The following ZNF578 variants were observed in gnomAD, a reference collection of about 807,000 sequenced individuals.
ZNF578 encodes Putative chemokine-related protein B42.
ZNF578 carries 8 observed loss-of-function variants against 8.3 expected under a neutral mutation model. The ratio of observed to expected loss-of-function variants is 0.96; its 90% CI spans 0.56 to 1.74. ZNF578 has a LOEUF of 1.74. Ranked by LOEUF, ZNF578 falls within the 40% of genes most tolerant of loss-of-function variation. The probability of loss-of-function intolerance (pLI) is 0.00; values close to 1 mark genes in which losing one functional copy is unlikely to be tolerated. For synonymous variants in ZNF578, 206 were observed against 232.2 expected (o/e 0.89, Z 1.03); for missense variants, 726 against 707.5 (o/e 1.03, Z -0.30).
intron 2 of ZNF578, among the ~76,000 whole-genome samples, chr19:52,469,899 G>A (rs997002711): frequency 5.3e-5 from 8 of 152,138 alleles, no homozygotes; most frequent in Admixed American, 2.0e-4. Context: ...TCAGACACAA[G>A]CTCTTATGTG....
At chr19:52,467,702 C>T (rs1169502182) in intron 2 of ZNF578, among the ~76,000 whole-genome samples, 1 of 152,000 alleles carries the variant, frequency 6.6e-6, no homozygotes, top group Non-Finnish European at 1.5e-5. Flanking sequence ...GAGACATATA[C>T]AATGTCAATT....
intron 3 of ZNF578, among the ~76,000 whole-genome samples, chr19:52,499,875 AC>A (rs1222360598): frequency 6.6e-6 from 1 of 151,968 alleles, no homozygotes; most frequent in East Asian, 1.9e-4. Flanking sequence ...ATGTTTGAAG[AC>A]CATGTCCCTA....
At chr19:52,460,001 G>A (rs1452216925) in intron 2 of ZNF578, among the ~76,000 whole-genome samples, 3 of 150,080 alleles carry the variant, frequency 2.0e-5, no homozygotes, top group East Asian at 2.0e-4. Context: ...TGTTGACCTC[G>A]TGATCCACCC....
chr19:52,501,837 T>C lies in ZNF578; in HGVS notation c.-9T>C, dbSNP rs779650892. On this transcript the variant is annotated 5_prime_UTR_variant, in exon 4 of 6. Coordinates refer to ENST00000421239, the MANE Select transcript of ZNF578 (RefSeq NM_001099694.2). ...TTCTTCCACATACAGGATTGATTTC[T>C]AAAGACTCATGTTACATGAGGAAGC... 2.5e-6 allele frequency: 4 copies of C among 1,613,044 alleles called. No homozygotes were observed. In the South Asian group the frequency reaches 4.4e-5, roughly 18 times the overall value.
chr19:52,510,462 ATGTT>A, intron 5 of ZNF578, 106 bp from the exon 6 acceptor site: 1 of 1,347,718 alleles, frequency 7.4e-7, no homozygotes, highest in Non-Finnish European at 9.7e-7. Context: ...TTTGAAGATC[ATGTT>A]TGGGAAGTTT....
intron 3 of ZNF578, among the ~76,000 whole-genome samples, chr19:52,491,789 T>C (rs755559606): frequency 5.3e-5 from 8 of 152,086 alleles, no homozygotes; most frequent in Non-Finnish European, 1.2e-4. Context: ...GACAACTAAC[T>C]GGATATCCAC....
intron 2 of ZNF578, among the ~76,000 whole-genome samples, chr19:52,481,191 A>G (rs1188224876): frequency 2.0e-5 from 3 of 152,026 alleles, no homozygotes; most frequent in African/African-American, 7.2e-5. Context: ...CTGACCTTAT[A>G]TCGGCTGCGG....
At chr19:52,504,446 C>T (rs2059418250) in intron 4 of ZNF578, among the ~76,000 whole-genome samples, 1 of 152,050 alleles carries the variant, frequency 6.6e-6, no homozygotes. Context: ...TCGAGACTTC[C>T]ATAGCGACTT....
intron 5 of ZNF578, among the ~76,000 whole-genome samples, chr19:52,505,513 C>T (rs2059422753): frequency 6.6e-6 from 1 of 152,082 alleles, no homozygotes; most frequent in African/African-American, 2.4e-5. Flanking sequence ...GCTCCGCCTC[C>T]CGGGTTCAAG....
At chr19:52,457,638 T>C (rs1212644001) in intron 2 of ZNF578, 1 of 152,018 alleles carries the variant, frequency 6.6e-6, no homozygotes, top group South Asian at 2.1e-4. Context: ...ACACAGTAGA[T>C]AGTGTTGGAA....
Position 52,512,267 on chromosome 19 carries a change from T to G in ZNF578, c.*113T>G. 6.3e-7 allele frequency: 1 copy of G among 1,594,932 alleles called. No homozygotes were observed. Among genetic ancestry groups the G allele is most frequent in the East Asian group, 2.2e-5 (1 of 44,782 alleles). ...TCATACTGGAGAGAAACCTTACAAG[T>G]GTAATGAGTGTGGCAAAGCCTTTAG... On this transcript the variant is annotated 3_prime_UTR_variant, in exon 6 of 6. Coordinates refer to ENST00000421239, the MANE Select transcript of ZNF578 (RefSeq NM_001099694.2).
intron 2 of ZNF578, among the ~76,000 whole-genome samples, chr19:52,486,276 C>T (rs986162138): frequency 7.2e-5 from 11 of 152,136 alleles, no homozygotes; most frequent in Non-Finnish European, 1.3e-4. Flanking sequence ...CACTATTACC[C>T]TATTGTTCTG....
At chr19:52,507,525 G>C (rs1047794386) in intron 5 of ZNF578, among the ~76,000 whole-genome samples, 1 of 152,108 alleles carries the variant, frequency 6.6e-6, no homozygotes, top group Non-Finnish European at 1.5e-5. Flanking sequence ...GATGAAGCAT[G>C]ACTCAGTCTC....
At chr19:52,506,288 G>T (rs7253326) in intron 5 of ZNF578, among the ~76,000 whole-genome samples, 8 of 151,658 alleles carry the variant, frequency 5.3e-5, no homozygotes, top group African/African-American at 1.7e-4. Context: ...ATGGATATCT[G>T]GGTTGGTTTT....
intron 2 of ZNF578, among the ~76,000 whole-genome samples, chr19:52,480,698 C>T (rs992955320): frequency 1.1e-4 from 16 of 151,692 alleles, no homozygotes; most frequent in African/African-American, 1.2e-4. Flanking sequence ...GAGTTCAAGA[C>T]GAGCGTGGCC....
chr19:52,465,404 ACT>A (rs1194916607), intron 2 of ZNF578, among the ~76,000 whole-genome samples: 2 of 150,964 alleles, frequency 1.3e-5, no homozygotes, highest in East Asian at 3.9e-4. Context: ...TCACCTCTGG[ACT>A]CTCCTTTTGG....
Position 52,501,936 on chromosome 19 carries a change from T to G in ZNF578, c.63+28T>G, listed in dbSNP as rs746095442. ...GAAGTGATATTCCTCTGTGGATTAA[T>G]CTGTCTCTTTCCTTTCTGAAGTGTA... On this transcript the variant is annotated intron_variant, in intron 4 of 5. Transcript: ENST00000421239. The G allele has an allele frequency of 5.6e-6, 9 of 1,607,634 alleles. No individual in the cohort carries two copies. In the African/African-American group the frequency reaches 9.4e-5, roughly 17 times the overall value.
At chr19:52,496,798 C>T (rs1216299110) in intron 3 of ZNF578, among the ~76,000 whole-genome samples, 3 of 151,394 alleles carry the variant, frequency 2.0e-5, no homozygotes, top group South Asian at 2.1e-4. Flanking sequence ...GCACCATGGC[C>T]GGCTAATTTT....
At chr19:52,472,128 T>G (rs1211531983) in intron 2 of ZNF578, among the ~76,000 whole-genome samples, 1 of 152,172 alleles carries the variant, frequency 6.6e-6, no homozygotes, top group African/African-American at 2.4e-5. Flanking sequence ...CAGTGACTCA[T>G]GCCTGTATTC....
Sources: allele counts gnomAD v4.1 joint callset (sites outside exome capture counted in the v4.1 genomes callset), GRCh38; gene constraint gnomAD v4.1.1; transcripts MANE v1.5; gene names NCBI Gene and HGNC (gene_info 2026-07-23, HGNC 2026-07-21).